Variants in HLCS observed in about 807,000 individuals in gnomAD.
HLCS encodes holocarboxylase synthetase.
HLCS carries 53 observed loss-of-function variants against 75.0 expected under a neutral mutation model. That is an observed-to-expected ratio of 0.71 (90% CI 0.57 to 0.89). The LOEUF is 0.89. Among genes scored for constraint, HLCS ranks in the 40% least tolerant of loss-of-function variants. The probability of loss-of-function intolerance (pLI) is 0.00; values close to 1 mark genes in which losing one functional copy is unlikely to be tolerated. For synonymous variants in HLCS, 431 were observed against 428.6 expected, an observed-to-expected ratio of 1.01 and a Z score of -0.07; for missense variants, 966 against 1,074.0, an observed-to-expected ratio of 0.90 and a Z score of 1.41.
intron 6 of HLCS, among the ~76,000 whole-genome samples, chr21:36,812,759 T>C (rs1343540994): frequency 6.6e-6 from 1 of 152,096 alleles, no homozygotes; most frequent in Non-Finnish European, 1.5e-5. Context: ...TTTCCTCCTT[T>C]TAAAAAGAAA....
intron 5 of HLCS, among the ~76,000 whole-genome samples, chr21:36,902,207 G>C (rs1438912750): frequency 6.6e-6 from 1 of 152,190 alleles, no homozygotes. Flanking sequence ...CTCCTTTAAA[G>C]GGTAGAGAGG....
intron 5 of HLCS, among the ~76,000 whole-genome samples, chr21:36,908,509 T>C (rs2065560208): frequency 2.0e-5 from 3 of 152,224 alleles, no homozygotes; most frequent in Admixed American, 2.0e-4. Context: ...GAAAAACAGT[T>C]GGCAGTTTCT....
intron 1 of HLCS, 150 bp from the exon 2 acceptor site, chr21:36,962,320 G>A (rs780384788): frequency 1.2e-4 from 57 of 459,006 alleles, no homozygotes; most frequent in Non-Finnish European, 1.8e-4. Flanking sequence ...CGCAGGAACC[G>A]TGTGTTTCTT....
chr21:36,821,826 A>G (rs2061850780), intron 6 of HLCS, among the ~76,000 whole-genome samples: 1 of 152,234 alleles, frequency 6.6e-6, no homozygotes, highest in East Asian at 1.9e-4. Flanking sequence ...CTGTAAGAGG[A>G]ATTTTAAACG....
At chr21:36,777,978 A>AT (rs2060411515) in intron 6 of HLCS, among the ~76,000 whole-genome samples, 1 of 151,814 alleles carries the variant, frequency 6.6e-6, no homozygotes. Context: ...TTTATTTTTT[A>AT]TTTTTTTGGA....
At chr21:36,774,107 GAGAC>G (rs1268031536) in intron 6 of HLCS, among the ~76,000 whole-genome samples, 1 of 152,200 alleles carries the variant, frequency 6.6e-6, no homozygotes, top group Non-Finnish European at 1.5e-5. Context: ...TGAGGCCCAT[GAGAC>G]AGCTGTGCAA....
intron 6 of HLCS, among the ~76,000 whole-genome samples, chr21:36,850,918 C>T (rs1023353385): frequency 4.6e-5 from 7 of 152,078 alleles, no homozygotes; most frequent in Non-Finnish European, 5.9e-5. Flanking sequence ...GAGAGGCCTT[C>T]GAGGACACTA....
chr21:36,878,076 C>T (rs1356639495), intron 6 of HLCS, among the ~76,000 whole-genome samples: 1 of 151,818 alleles, frequency 6.6e-6, no homozygotes, highest in Non-Finnish European at 1.5e-5. Context: ...TCATCATATT[C>T]ATCTGGCTTG....
chr21:36,970,145 A>G (rs193230439), upstream of HLCS, among the ~76,000 whole-genome samples: 6 of 152,370 alleles, frequency 3.9e-5, no homozygotes, highest in East Asian at 1.2e-3. Flanking sequence ...GGGAAAGCCT[A>G]TCATACTGAC....
At chr21:36,968,925 G>A (rs371847930), upstream of HLCS, 6 of 152,270 alleles carry the variant, frequency 3.9e-5, no homozygotes, top group East Asian at 1.9e-4. Flanking sequence ...CTGGCCAATA[G>A]GAATTTTCTA....
intron 6 of HLCS, among the ~76,000 whole-genome samples, chr21:36,825,336 C>T (rs2061973514): frequency 6.6e-6 from 1 of 152,026 alleles, no homozygotes; most frequent in Admixed American, 6.6e-5. Context: ...TGCAGTAAGT[C>T]AAGATCACAC....
chr21:36,823,610 G>GGGGGGT (rs372824950), intron 6 of HLCS, among the ~76,000 whole-genome samples: 4 of 132,726 alleles, frequency 3.0e-5, no homozygotes, highest in African/African-American at 1.1e-4. Context: ...AAACGTGCAG[G>GGGGGGT]GTGTGTGTGT....
chr21:36,785,087 G>A (rs1300194191), intron 6 of HLCS, among the ~76,000 whole-genome samples: 1 of 152,006 alleles, frequency 6.6e-6, no homozygotes, highest in African/African-American at 2.4e-5. Flanking sequence ...AAGGAAGAAT[G>A]CCCTGCCCTG....
chr21:36,830,693 T>G (rs1329637872), intron 6 of HLCS, among the ~76,000 whole-genome samples: 1 of 151,680 alleles, frequency 6.6e-6, no homozygotes, highest in Non-Finnish European at 1.5e-5. Flanking sequence ...GTTTAAAAAA[T>G]TAGCAGGGCA....
intron 6 of HLCS, among the ~76,000 whole-genome samples, chr21:36,803,266 C>G (rs1464660136): frequency 1.3e-5 from 2 of 152,228 alleles, no homozygotes; most frequent in Non-Finnish European, 2.9e-5. Flanking sequence ...TGAGTCCACT[C>G]CTGCAGGCAG....
chr21:36,909,979 G>GT lies in HLCS; in HGVS notation c.1621-12849dup, dbSNP rs576553188. Among the ~76,000 whole-genome samples, 15 of 152,276 alleles carry GT rather than the reference G, an allele frequency of 9.9e-5. No individual in the cohort carries two copies. The East Asian group carries it at 2.9e-3, about 29-fold the overall frequency. ...TTAGTTGTGCTTCAGTCATAACATCGTAAGTTGCTAGGCAGCCAGAAGTGA... is the reference window on the plus strand; with the variant it reads ...TTAGTTGTGCTTCAGTCATAACATCGTTAAGTTGCTAGGCAGCCAGAAGTGA... On this transcript the variant is annotated intron_variant, in intron 5 of 10. Coordinates refer to ENST00000674895, the MANE Select transcript of HLCS (RefSeq NM_001352514.2).
chr21:36,803,481 T>G (rs2061269907), intron 6 of HLCS, among the ~76,000 whole-genome samples: 1 of 152,258 alleles, frequency 6.6e-6, no homozygotes, highest in African/African-American at 2.4e-5. Context: ...AGAAGTTTAT[T>G]GCCAAGGTTC....
intron 1 of HLCS, among the ~76,000 whole-genome samples, chr21:36,975,359 A>G (rs955098688): frequency 6.6e-6 from 1 of 151,996 alleles, no homozygotes; most frequent in African/African-American, 2.4e-5. Flanking sequence ...GGCCCAGCTC[A>G]GCCCTCACCA....
chr21:36,775,345 T>C (rs1601189462), intron 6 of HLCS, among the ~76,000 whole-genome samples: 2 of 152,382 alleles, frequency 1.3e-5, no homozygotes, highest in African/African-American at 4.8e-5. Context: ...TGGTCTGTAT[T>C]ATCCAATCAA....
Sources: gnomAD v4.1 joint callset for allele counts (sites outside exome capture counted in the v4.1 genomes callset) on GRCh38, gnomAD v4.1.1 for gene constraint, MANE v1.5 for transcripts, NCBI Gene and HGNC (gene_info 2026-07-23, HGNC 2026-07-21) for gene names.